Variants in SNTG1 observed in about 807,000 individuals in gnomAD.
The protein encoded by SNTG1 is syntrophin gamma 1, also known as gamma-1-syntrophin.
Under a neutral mutation model 74.7 loss-of-function variants are expected in SNTG1, and 39 were observed. The ratio of observed to expected loss-of-function variants is 0.52; its 90% CI spans 0.40 to 0.68. SNTG1 has a LOEUF of 0.68. SNTG1 is among the 30% of genes least tolerant of loss of function. SNTG1 has a pLI of 0.00. For missense variants in SNTG1, 685 were observed against 609.5 expected, an observed-to-expected ratio of 1.12 and a Z score of -1.30; for synonymous variants, 254 against 217.1, an observed-to-expected ratio of 1.17 and a Z score of -1.49.
chr8:50,028,008 G>T (rs1817412371), intron 1 of SNTG1, among the ~76,000 whole-genome samples: 1 of 152,116 alleles, frequency 6.6e-6, no homozygotes, highest in South Asian at 2.1e-4. Context: ...AACTGACATT[G>T]TTACATTGTG....
chr8:50,364,349 T>G (rs1289814682), intron 2 of SNTG1, among the ~76,000 whole-genome samples: 1 of 152,250 alleles, frequency 6.6e-6, no homozygotes. Flanking sequence ...CTTAGCAAAT[T>G]ACAAGGGTTT....
At chr8:50,565,377 G>C (rs1229351422) in intron 12 of SNTG1, among the ~76,000 whole-genome samples, 18 of 151,946 alleles carry the variant, frequency 1.2e-4, no homozygotes, top group Admixed American at 1.2e-3. Context: ...TAATAAATGT[G>C]TCATTGTTAT....
intron 13 of SNTG1, among the ~76,000 whole-genome samples, chr8:50,628,212 T>C (rs889428967): frequency 6.6e-6 from 1 of 152,214 alleles, no homozygotes; most frequent in African/African-American, 2.4e-5. Flanking sequence ...AGCTACTTTT[T>C]TTTTTCTTTT....
chr8:50,164,551 T>C (rs2082545626), intron 1 of SNTG1: 1 of 152,226 alleles, frequency 6.6e-6, no homozygotes, highest in Non-Finnish European at 1.5e-5. Context: ...TTTAAATTAC[T>C]AGGGGATATT....
At chr8:50,783,677 C>T (rs539820840) in intron 18 of SNTG1, among the ~76,000 whole-genome samples, 14 of 152,328 alleles carry the variant, frequency 9.2e-5, no homozygotes, top group African/African-American at 1.7e-4. Context: ...TGCCCTGCTT[C>T]GGCTTGTGCA....
At chr8:50,437,678 AAATGATTCTGCATAGGGG>A (rs1290224553) in intron 4 of SNTG1, among the ~76,000 whole-genome samples, 3 of 152,198 alleles carry the variant, frequency 2.0e-5, no homozygotes, top group Admixed American at 6.5e-5. Context: ...TCAGTGTCTC[AAATGATTCTGCATAGGGG>A]AATGTTCAAA....
At chr8:50,783,336 A>G (rs6473371) in intron 18 of SNTG1, among the ~76,000 whole-genome samples, 66,199 of 152,056 alleles carry the variant, frequency 0.44, 16,635 homozygotes, top group African/African-American at 0.7. Context: ...TCCTTGAGCT[A>G]TTGTGGGCTC....
Position 50,161,588 on chromosome 8 carries a change from G to T in SNTG1, c.-102-10973G>T, listed in dbSNP as rs923370765. On this transcript the variant is annotated intron_variant, in intron 1 of 18. Transcript: ENST00000642720. ...TGATAGTGTGTGGTGCATGTGTTGT[G>T]TGTGGTGTATCTGTTGTGTGTTCTG... Among the ~76,000 whole-genome samples the T allele has an allele frequency of 3.3e-5, 5 of 152,266 alleles. No individual in the cohort carries two copies. In the East Asian group the frequency reaches 9.6e-4, roughly 29 times the overall value.
At chr8:50,087,218 T>G (rs529577261) in intron 1 of SNTG1, among the ~76,000 whole-genome samples, 2 of 152,312 alleles carry the variant, frequency 1.3e-5, no homozygotes, top group African/African-American at 4.8e-5. Context: ...GTTTTCAGCT[T>G]CTTCTTTTAG....
At chr8:50,104,070 C>T (rs2080264172) in intron 1 of SNTG1, among the ~76,000 whole-genome samples, 1 of 152,124 alleles carries the variant, frequency 6.6e-6, no homozygotes, top group African/African-American at 2.4e-5. Flanking sequence ...ATGATGCTGG[C>T]CTCATAAAAT....
chr8:50,145,942 T>C, intron 1 of SNTG1, among the ~76,000 whole-genome samples: 1 of 149,820 alleles, frequency 6.7e-6, no homozygotes. Context: ...CTTTGTATCA[T>C]GTACCCTAGA....
At chr8:50,303,659 G>C (rs78024533) in intron 2 of SNTG1, among the ~76,000 whole-genome samples, 1 of 151,866 alleles carries the variant, frequency 6.6e-6, no homozygotes, top group Non-Finnish European at 1.5e-5. Flanking sequence ...TTCTGCAAAA[G>C]TCTTTTTGGT....
intron 15 of SNTG1, among the ~76,000 whole-genome samples, chr8:50,688,603 T>G (rs1043870825): frequency 6.6e-6 from 1 of 152,166 alleles, no homozygotes; most frequent in Non-Finnish European, 1.5e-5. Flanking sequence ...TCTGTTCTGT[T>G]CCATTGGTCT....
At chr8:50,417,861 A>G (rs968514492) in intron 4 of SNTG1, among the ~76,000 whole-genome samples, 2 of 151,998 alleles carry the variant, frequency 1.3e-5, no homozygotes, top group Admixed American at 6.6e-5. Flanking sequence ...CCTCCTATCT[A>G]AGGTCACCAT....
chr8:49,934,311 CTATCTATCTATCTATCT>C (rs1807860618), intron 1 of SNTG1, among the ~76,000 whole-genome samples: 2 of 151,786 alleles, frequency 1.3e-5, no homozygotes, highest in Admixed American at 1.3e-4. Flanking sequence ...ATCTATCTAT[CTATCTATCTATCTATCT>C]ATCTATCTAC....
At chr8:49,948,168 C>G (rs1026363392) in intron 1 of SNTG1, among the ~76,000 whole-genome samples, 1 of 151,954 alleles carries the variant, frequency 6.6e-6, no homozygotes, top group African/African-American at 2.4e-5. Context: ...AAACACAGAA[C>G]CTCTTAATTA....
intron 8 of SNTG1, 22 bp downstream of exon 8, chr8:50,450,751 G>C (rs1180803522): frequency 9.9e-6 from 16 of 1,609,960 alleles, no homozygotes; most frequent in Admixed American, 5.0e-5. Context: ...TTTTCCTAAT[G>C]TCATAGTTTT....
intron 12 of SNTG1, among the ~76,000 whole-genome samples, chr8:50,587,748 C>T (rs1223308942): frequency 2.0e-5 from 3 of 151,612 alleles, no homozygotes; most frequent in Non-Finnish European, 2.9e-5. Context: ...TCGCTTGAAC[C>T]CGGGAGGCGG....
chr8:50,362,477 C>T (rs902243364), intron 2 of SNTG1, among the ~76,000 whole-genome samples: 3 of 151,784 alleles, frequency 2.0e-5, no homozygotes, highest in African/African-American at 7.3e-5. Flanking sequence ...GTTGATTTTC[C>T]TCTCATCCAC....
Sources: allele counts gnomAD v4.1 joint callset (sites outside exome capture counted in the v4.1 genomes callset), GRCh38; gene constraint gnomAD v4.1.1; transcripts MANE v1.5; gene names NCBI Gene and HGNC (gene_info 2026-07-23, HGNC 2026-07-21).